Variants in THADA observed in about 807,000 individuals in gnomAD.
The protein encoded by THADA is THADA armadillo repeat containing.
Under a neutral mutation model 219.8 loss-of-function variants are expected in THADA, and 213 were observed. That is an observed-to-expected ratio of 0.97 (90% CI 0.87 to 1.09). THADA has a LOEUF of 1.09. Ranked by LOEUF, THADA falls within the 50% of genes least tolerant of loss-of-function variation. The pLI is 0.00. For missense variants in THADA, 2,956 were observed against 2,311.3 expected, an observed-to-expected ratio of 1.28 and a Z score of -5.72; for synonymous variants, 1,018 against 828.9, an observed-to-expected ratio of 1.23 and a Z score of -3.92.
chr2:43,496,094 T>C (rs1688244406), intron 25 of THADA, among the ~76,000 whole-genome samples: 1 of 152,222 alleles, frequency 6.6e-6, no homozygotes, highest in South Asian at 2.1e-4. Flanking sequence ...AAGAAATGGT[T>C]TGTGCAGCTT....
intron 29 of THADA, among the ~76,000 whole-genome samples, chr2:43,353,203 T>A (rs1377157066): frequency 6.6e-6 from 1 of 152,210 alleles, no homozygotes; most frequent in Non-Finnish European, 1.5e-5. Context: ...AGAAGCAGGA[T>A]TTGCTGGGTC....
At chr2:43,539,802 G>C (rs567543970) in intron 21 of THADA, among the ~76,000 whole-genome samples, 1 of 144,952 alleles carries the variant, frequency 6.9e-6, no homozygotes, top group Non-Finnish European at 1.5e-5. Flanking sequence ...TGTGATAATT[G>C]TTTTTTTTTT....
chr2:43,370,255 T>C (rs926549970), intron 29 of THADA: 1 of 152,254 alleles, frequency 6.6e-6, no homozygotes, highest in African/African-American at 2.4e-5. Context: ...ACTTTTGTTA[T>C]ACTTTGACTG....
intron 30 of THADA, among the ~76,000 whole-genome samples, chr2:43,326,235 G>C (rs769803046): frequency 3.4e-4 from 52 of 151,686 alleles, no homozygotes; most frequent in African/African-American, 8.5e-4. Flanking sequence ...AGTCATGCTA[G>C]AGTATGATGG....
chr2:43,300,727 C>T (rs952460217), intron 31 of THADA, among the ~76,000 whole-genome samples: 1 of 152,136 alleles, frequency 6.6e-6, no homozygotes, highest in Non-Finnish European at 1.5e-5. Context: ...GAGGTTAGAC[C>T]TAGAGCCAAA....
chr2:43,311,068 T>G (rs955972727), intron 31 of THADA, among the ~76,000 whole-genome samples: 5 of 151,572 alleles, frequency 3.3e-5, no homozygotes, highest in African/African-American at 1.2e-4. Context: ...CCCAGCTACT[T>G]GGGAGGCTGA....
chr2:43,569,908 C>T (rs906689098), intron 14 of THADA, among the ~76,000 whole-genome samples: 1 of 152,126 alleles, frequency 6.6e-6, no homozygotes, highest in Non-Finnish European at 1.5e-5. Flanking sequence ...TAACACAATG[C>T]CCTAAAATCC....
chr2:43,404,426 G>A (rs1193972373), intron 28 of THADA, among the ~76,000 whole-genome samples: 1 of 147,490 alleles, frequency 6.8e-6, no homozygotes, highest in African/African-American at 2.5e-5. Flanking sequence ...CACCTGGCCT[G>A]AAGTGCTCCT....
intron 36 of THADA, among the ~76,000 whole-genome samples, chr2:43,237,603 C>G (rs1668179040): frequency 6.6e-6 from 1 of 151,124 alleles, no homozygotes; most frequent in African/African-American, 2.4e-5. Context: ...GTTTCACCAT[C>G]TTGGCCAGGC....
chr2:43,335,303 C>T (rs557207950), intron 30 of THADA, among the ~76,000 whole-genome samples: 5 of 152,160 alleles, frequency 3.3e-5, no homozygotes, highest in South Asian at 2.1e-4. Context: ...GTACAAAGAG[C>T]CCAGTAAGGT....
At chr2:43,239,848 C>T (rs1204950724) in intron 36 of THADA, among the ~76,000 whole-genome samples, 1 of 152,042 alleles carries the variant, frequency 6.6e-6, no homozygotes, top group African/African-American at 2.4e-5. Flanking sequence ...AACCAACTCA[C>T]CACCCATCCA....
At chr2:43,413,935 C>T (rs930685036) in intron 28 of THADA, among the ~76,000 whole-genome samples, 3 of 152,130 alleles carry the variant, frequency 2.0e-5, no homozygotes, top group Admixed American at 6.5e-5. Context: ...GAGATGCTCA[C>T]GTCCCTTATG....
chr2:43,551,534 T>C (rs979327191), intron 19 of THADA, among the ~76,000 whole-genome samples: 2 of 151,860 alleles, frequency 1.3e-5, no homozygotes, highest in African/African-American at 4.8e-5. Flanking sequence ...TACAGTATTA[T>C]ATAACTCAAG....
At chr2:43,507,462 G>A (rs1489560949) in intron 23 of THADA, among the ~76,000 whole-genome samples, 1 of 152,132 alleles carries the variant, frequency 6.6e-6, no homozygotes, top group Non-Finnish European at 1.5e-5. Flanking sequence ...TGAATTAGAG[G>A]CAGGAGAATG....
chr2:43,482,253 A>C (rs1686316174), intron 26 of THADA, among the ~76,000 whole-genome samples: 1 of 152,164 alleles, frequency 6.6e-6, no homozygotes, highest in Non-Finnish European at 1.5e-5. Context: ...TAAAACCCAA[A>C]AAACACATCT....
intron 26 of THADA, among the ~76,000 whole-genome samples, chr2:43,466,430 G>C (rs1468465559): frequency 6.6e-6 from 1 of 152,034 alleles, no homozygotes; most frequent in Non-Finnish European, 1.5e-5. Flanking sequence ...TTGCCTAACA[G>C]TCCCTACTCA....
At chr2:43,456,913 T>C (rs940119958) in intron 26 of THADA, among the ~76,000 whole-genome samples, 13 of 152,248 alleles carry the variant, frequency 8.5e-5, no homozygotes, top group Non-Finnish European at 1.8e-4. Context: ...CTTTTAAAAA[T>C]ACACAAAGTA....
rs540306231 is a variant in THADA at position 43,453,127 on chromosome 2, C to T, written c.3837-22825G>A. Reference sequence around the variant, plus strand: ...GTAGTCACCAGGCAAATGTTACACTCCCAATTAAGACACAATGCTGTCTAT... The same window carrying T: ...GTAGTCACCAGGCAAATGTTACACTTCCAATTAAGACACAATGCTGTCTAT... On this transcript the variant is annotated intron_variant, in intron 26 of 37. Coordinates refer to ENST00000405975, the MANE Select transcript of THADA (RefSeq NM_022065.5). 2.6e-5 allele frequency among the ~76,000 whole-genome samples: 4 copies of T among 152,298 alleles called. No individual in the cohort carries two copies. In the South Asian group the frequency reaches 8.3e-4, roughly 32 times the overall value.
At chr2:43,580,634 G>A (rs990799718) in intron 8 of THADA, among the ~76,000 whole-genome samples, 1 of 151,834 alleles carries the variant, frequency 6.6e-6, no homozygotes, top group Non-Finnish European at 1.5e-5. Context: ...AGCCACTTTG[G>A]GAGGCCAAGG....
Sources: gnomAD v4.1 joint callset for allele counts (sites outside exome capture counted in the v4.1 genomes callset) on GRCh38, gnomAD v4.1.1 for gene constraint, MANE v1.5 for transcripts, NCBI Gene and HGNC (gene_info 2026-07-23, HGNC 2026-07-21) for gene names.